GART: variants seen among roughly 807,000 people sequenced by gnomAD.
The protein encoded by GART is trifunctional purine biosynthetic protein adenosine-3.
In GART, 43 loss-of-function variants were observed where a neutral mutation model predicts 107.2. The observed-to-expected ratio is 0.40, with a 90% CI of 0.31 to 0.52. GART has a LOEUF of 0.52. GART is among the 20% of genes least tolerant of loss of function. The pLI is 0.52. For synonymous variants in GART, 434 were observed against 427.0 expected (o/e 1.02, Z -0.20); for missense variants, 1,107 against 1,206.5 (o/e 0.92, Z 1.22).
intron 11 of GART, chr21:33,524,522 G>A: frequency 9.2e-7 from 1 of 1,087,672 alleles, no homozygotes; most frequent in Non-Finnish European, 1.1e-6. Flanking sequence ...AAAAAAAATA[G>A]AAAACAAATA....
chr21:33,509,725 C>A (rs550791090), intron 18 of GART, 58 bp downstream of exon 18: 61 of 1,565,004 alleles, frequency 3.9e-5, no homozygotes, highest in Non-Finnish European at 5.1e-5. Context: ...CACAAGAGTG[C>A]GGGGAGGAAA....
At position 33,528,291 on chromosome 21, in the gene GART, C is replaced by T; in HGVS notation, c.942G>A (p.Gln314=). Residue 314 remains glutamine (Q), a synonymous_variant, in exon 10 of 22, where the codon CAG becomes CAA. Coordinates refer to ENST00000381815, the MANE Select transcript of GART (RefSeq NM_000819.5). ...LLKSDLYEVI[Q]STLDGLLCTS... is the part of the protein sequence containing the mutation. ...TGCAGAGCAGTCCATCTAAGGTGGA[C>T]TGAATCACTTCATAAAGATCACTTT... The T allele has an allele frequency of 6.2e-7, 1 of 1,614,092 alleles. No homozygotes were observed. Among genetic ancestry groups the T allele is most frequent in the Non-Finnish European group, 8.5e-7 (1 of 1,180,008 alleles).
intron 16 of GART, 81 bp from the exon 17 acceptor site, chr21:33,511,539 G>A: frequency 7.2e-7 from 1 of 1,383,514 alleles, no homozygotes; most frequent in Non-Finnish European, 1.0e-6. Flanking sequence ...TCAAAGATGT[G>A]GAAATTATAA....
At chr21:33,526,298 G>A (rs1342359100) in intron 10 of GART, among the ~76,000 whole-genome samples, 2 of 152,066 alleles carry the variant, frequency 1.3e-5, no homozygotes, top group Non-Finnish European at 2.9e-5. Flanking sequence ...AGCCTCCTGA[G>A]TAGCTAGGAT....
In GART at chr21:33,524,877, A is replaced by G. The variant is rs761860099; in HGVS notation, c.1190T>C (p.Ile397Thr). ...LAVTAIRENL[I>T]SALEEAKKGL... ...TTTCTTGGCTTCCTCAAGGGCTGAT[A>G]TGAGATTTTCCCGGATGGCTGTGAC... The change falls in exon 11 of 22, where the codon ATA (isoleucine) becomes ACA (threonine). Residue 397 changes from isoleucine (I) to threonine (T), a missense_variant. Ile to Thr is a moderately conservative substitution (Grantham distance 89). Coordinates refer to ENST00000381815, the MANE Select transcript of GART (RefSeq NM_000819.5). 6.2e-6 allele frequency: 10 copies of G among 1,614,200 alleles called. No homozygotes were observed. The South Asian group carries it at 1.1e-4, about 18-fold the overall frequency.
chr21:33,535,960 G>C (rs1001462418), intron 2 of GART, among the ~76,000 whole-genome samples: 2 of 151,974 alleles, frequency 1.3e-5, no homozygotes, highest in Non-Finnish European at 2.9e-5. Context: ...CTGGGGAGGC[G>C]GAGGTTGCAG....
intron 6 of GART, 89 bp from the exon 7 acceptor site, chr21:33,530,973 C>G: frequency 1.7e-6 from 2 of 1,202,818 alleles, no homozygotes; most frequent in Non-Finnish European, 2.2e-6. Flanking sequence ...TCCCTTAATT[C>G]TTCTTTGAGG....
chr21:33,517,448 G>C lies in GART; in HGVS notation c.1863C>G (p.Ser621Arg). ...TTTTCCTCACAAGGCTAAATCCATT[G>C]CTATGAAGACCAGATGAAGCTATTC... ...VVGIASSGLH[S>R]NGFSLVRKIV... The change falls in exon 15 of 22, where the codon AGC (serine) becomes AGG (arginine). Residue 621 changes from serine (S) to arginine (R), a missense_variant. Physicochemically the swap from Ser to Arg is moderately radical, Grantham distance 110 (BLOSUM62 -1). Transcript: ENST00000381815. The C allele has an allele frequency of 6.2e-7, 1 of 1,614,172 alleles. No individual in the cohort carries two copies. Among genetic ancestry groups the C allele is most frequent in the Non-Finnish European group, 8.5e-7 (1 of 1,180,030 alleles).
At position 33,517,421 on chromosome 21, in the gene GART, G is replaced by T; in HGVS notation, c.1890C>A (p.Ile630=). 1 of 1,614,154 alleles carries T rather than the reference G, an allele frequency of 6.2e-7. No homozygotes were observed. The highest frequency in any genetic ancestry group is 2.2e-5 in the East Asian group (1 of 44,878). The change falls in exon 15 of 22, where the codon ATC becomes ATA. Residue 630 remains isoleucine, a synonymous_variant. Coordinates refer to ENST00000381815, the MANE Select transcript of GART (RefSeq NM_000819.5). ...HSNGFSLVRK[I]VAKSSLQYSS... is the part of the protein sequence containing the mutation. ...AGTACTGGAGGGAAGATTTTGCCAC[G>T]ATTTTCCTCACAAGGCTAAATCCAT...
rs752794736 is a variant in GART at position 33,528,292 on chromosome 21, T to C, written c.941A>G (p.Gln314Arg). The change falls in exon 10 of 22, where the codon CAG (glutamine) becomes CGG (arginine). Residue 314 changes from glutamine to arginine, a missense_variant. Physicochemically the swap from Gln to Arg is conservative, Grantham distance 43. Transcript: ENST00000381815. ...LLKSDLYEVI[Q>R]STLDGLLCTS... Reference sequence around the variant, plus strand: ...GCAGAGCAGTCCATCTAAGGTGGACTGAATCACTTCATAAAGATCACTTTT... The same window carrying C: ...GCAGAGCAGTCCATCTAAGGTGGACCGAATCACTTCATAAAGATCACTTTT... 2.5e-6 allele frequency: 4 copies of C among 1,614,144 alleles called. No homozygotes were observed. Among genetic ancestry groups the C allele is most frequent in the Non-Finnish European group, 8.5e-7 (1 of 1,180,008 alleles).
At position 33,511,442 on chromosome 21, in the gene GART, C is replaced by T. The variant is rs1398709521; in HGVS notation, c.2124G>A (p.Arg708=). The change falls in exon 17 of 22, where the codon AGG becomes AGA. Residue 708 remains arginine, a synonymous_variant. Transcript: ENST00000381815. The part of the protein sequence containing the change: ...LGVDLDAQTW[R]IPRVFSWLQQ... ...GCAACCATGAGAAGACCCTGGGGATCCTCCAGGTCTGGGCATCTGAAAAAA... is the reference window on the plus strand; with the variant it reads ...GCAACCATGAGAAGACCCTGGGGATTCTCCAGGTCTGGGCATCTGAAAAAA... 3 of 1,613,968 alleles carry T rather than the reference C, an allele frequency of 1.9e-6. No homozygotes were observed. The highest frequency in any genetic ancestry group is 2.7e-5 in the African/African-American group (2 of 74,902).
chr21:33,520,756 T>C (rs1025708730), intron 13 of GART, 150 bp downstream of exon 13: 2 of 716,982 alleles, frequency 2.8e-6, no homozygotes, highest in Non-Finnish European at 4.5e-6. Flanking sequence ...TAATTTGTTA[T>C]TAGAAATGTG....
chr21:33,514,910 C>G (rs949886732), intron 16 of GART, among the ~76,000 whole-genome samples: 12 of 152,320 alleles, frequency 7.9e-5, no homozygotes, highest in African/African-American at 2.9e-4. Flanking sequence ...ACCTCTGACT[C>G]TTCAGTTCTC....
chr21:33,528,890 C>T lies in GART; in HGVS notation c.771G>A (p.Arg257=), dbSNP rs2085127371. The T allele has an allele frequency of 6.2e-7, 1 of 1,613,602 alleles. No homozygotes were observed. Among genetic ancestry groups the T allele is most frequent in the Non-Finnish European group, 8.5e-7 (1 of 1,179,632 alleles). ...LLKIKDTVLQ[R]TVDGMQQEGT... ...CCTCTTGCTGCATGCCATCCACTGT[C>T]CTCTGAAGAACAGTATCTTTAATTT... Residue 257 remains arginine, a synonymous_variant, in exon 8 of 22, where the codon AGG becomes AGA. Transcript: ENST00000381815.
At chr21:33,532,264 G>C in intron 5 of GART, 81 bp downstream of exon 5, 1 of 958,422 alleles carries the variant, frequency 1.0e-6, no homozygotes, top group Non-Finnish European at 1.6e-6. Flanking sequence ...TTTCCTTATT[G>C]TGAGGAACAT....
intron 16 of GART, 36 bp from the exon 17 acceptor site, chr21:33,511,494 A>G (rs759716920): frequency 6.3e-7 from 1 of 1,583,654 alleles, no homozygotes; most frequent in Non-Finnish European, 8.7e-7. Context: ...TGATTTTCCT[A>G]CCTTCTCACA....
intron 18 of GART, among the ~76,000 whole-genome samples, chr21:33,508,481 C>T (rs1195898571): frequency 6.6e-6 from 1 of 151,580 alleles, no homozygotes; most frequent in Non-Finnish European, 1.5e-5. Context: ...ACCTCTTCTC[C>T]CACACTTCCC....
At position 33,522,212 on chromosome 21, in the gene GART, A is replaced by C; in HGVS notation, c.1369T>G (p.Leu457Val). ...GNMLVKKIQP[L>V]AKATSRSGCK... The stretch of plus-strand genomic sequence containing the variant: ...CCTGATCTGGAAGTGGCTTTTGCTA[A>C]AGGCTGAATTTTCTTGACCAGCATA... The change falls in exon 12 of 22, where the codon TTA becomes GTA. Residue 457 changes from leucine (L) to valine (V), a missense_variant. Leu to Val is a conservative substitution (Grantham distance 32). Coordinates refer to ENST00000381815, the MANE Select transcript of GART (RefSeq NM_000819.5). 3 of 1,613,968 alleles carry C rather than the reference A, an allele frequency of 1.9e-6. No individual in the cohort carries two copies. The highest frequency in any genetic ancestry group is 2.5e-6 in the Non-Finnish European group (3 of 1,179,912).
chr21:33,540,511 G>C (rs80247044), intron 1 of GART, among the ~76,000 whole-genome samples: 7,066 of 152,298 alleles, frequency 0.046, 565 homozygotes, highest in African/African-American at 0.16. Flanking sequence ...CAATATGCTA[G>C]AATATTGGTA....
Sources: allele counts gnomAD v4.1 joint callset (sites outside exome capture counted in the v4.1 genomes callset), GRCh38; gene constraint gnomAD v4.1.1; transcripts MANE v1.5; gene names NCBI Gene and HGNC (gene_info 2026-07-23, HGNC 2026-07-21).